Variants in KDM5A observed in about 807,000 individuals in gnomAD.
The protein encoded by KDM5A is lysine-specific demethylase 5A.
Under a neutral mutation model 193.5 loss-of-function variants are expected in KDM5A, and 42 were observed. The observed-to-expected ratio is 0.22, with a 90% confidence interval of 0.17 to 0.28. The LOEUF (loss-of-function observed/expected upper bound fraction) is 0.28. KDM5A is among the 10% of genes least tolerant of loss of function. The pLI, the probability that KDM5A is intolerant of heterozygous loss-of-function variation, is 1.00. For missense variants in KDM5A, 1,692 were observed against 2,055.1 expected, an observed-to-expected ratio of 0.82 and a Z score of 3.42; for synonymous variants, 796 against 718.1, an observed-to-expected ratio of 1.11 and a Z score of -1.73.
At chr12:384,216 G>A (rs1241205837) in intron 2 of KDM5A, 63 bp from the exon 3 acceptor site, 1 of 1,311,114 alleles carries the variant, frequency 7.6e-7, no homozygotes, top group African/African-American at 1.5e-5. Flanking sequence ...TAACAGAGCA[G>A]GGGTCCCCAA....
intron 24 of KDM5A, among the ~76,000 whole-genome samples, chr12:305,346 T>A (rs967110318): frequency 6.6e-6 from 1 of 152,226 alleles, no homozygotes; most frequent in Non-Finnish European, 1.5e-5. Flanking sequence ...TTAAGTCACA[T>A]AACTGAAAAT....
intron 5 of KDM5A, among the ~76,000 whole-genome samples, chr12:357,870 T>A (rs7307606): frequency 2.1e-5 from 3 of 140,296 alleles, no homozygotes; most frequent in South Asian, 2.2e-4. Context: ...TTTGCCCCAA[T>A]TCCCTTCCTT....
chr12:324,954 T>C (rs905909654), intron 14 of KDM5A, among the ~76,000 whole-genome samples: 1 of 152,200 alleles, frequency 6.6e-6, no homozygotes. Context: ...AACTTTACAG[T>C]TTCTGCTTAC....
In KDM5A at chr12:333,665, A is replaced by T; in HGVS notation, c.1491-16T>A. ...TGGCTCCCCCCTAGCAAAAGAAGTA[A>T]CTGTTTAGCTAGGCAGAACATGGTA... is the stretch of plus-strand genomic sequence containing the variant. On this transcript the variant is annotated splice_polypyrimidine_tract_variant and intron_variant, in intron 11 of 27. Coordinates refer to ENST00000399788, the MANE Select transcript of KDM5A (RefSeq NM_001042603.3). The T allele has an allele frequency of 6.2e-7, 1 of 1,613,192 alleles. No homozygotes were observed. Among genetic ancestry groups the T allele is most frequent in the South Asian group, 1.1e-5 (1 of 91,058 alleles).
intron 5 of KDM5A, among the ~76,000 whole-genome samples, chr12:357,947 G>T (rs556512226): frequency 1.3e-5 from 2 of 150,880 alleles, no homozygotes; most frequent in South Asian, 2.1e-4. Context: ...CTACAACTGG[G>T]AGGAAATTTA....
At chr12:372,555 C>A (rs1023907436) in intron 3 of KDM5A, among the ~76,000 whole-genome samples, 1 of 152,160 alleles carries the variant, frequency 6.6e-6, no homozygotes, top group Non-Finnish European at 1.5e-5. Flanking sequence ...AACTTGACTT[C>A]CTCTTTTCCT....
At chr12:381,759 TG>T (rs1944575627) in intron 3 of KDM5A, among the ~76,000 whole-genome samples, 1 of 152,206 alleles carries the variant, frequency 6.6e-6, no homozygotes, top group Admixed American at 6.5e-5. Flanking sequence ...AAGAGAATTT[TG>T]ACCTGACACT....
chr12:387,338 T>C, intron 1 of KDM5A: 1 of 268,978 alleles, frequency 3.7e-6, no homozygotes, highest in South Asian at 3.0e-5. Flanking sequence ...AGAGAAAGCA[T>C]TATTTCAGCA....
At chr12:360,984 C>T (rs935312745) in intron 5 of KDM5A, among the ~76,000 whole-genome samples, 26 of 151,966 alleles carry the variant, frequency 1.7e-4, no homozygotes, top group Admixed American at 1.4e-3. Context: ...GTTTTGTGTA[C>T]GGGGCAAGAA....
At chr12:289,186 A>C (rs1353027285) in intron 27 of KDM5A, among the ~76,000 whole-genome samples, 1 of 152,180 alleles carries the variant, frequency 6.6e-6, no homozygotes, top group Non-Finnish European at 1.5e-5. Flanking sequence ...AGTGAAGAGA[A>C]AAAGACTATT....
chr12:345,231 T>C (rs961618151), intron 10 of KDM5A, among the ~76,000 whole-genome samples: 2 of 152,124 alleles, frequency 1.3e-5, no homozygotes, highest in African/African-American at 2.4e-5. Flanking sequence ...ATCCTAAATA[T>C]ATATGCACCC....
chr12:333,326 G>A (rs1943886374), intron 12 of KDM5A, 161 bp downstream of exon 12: 4 of 733,672 alleles, frequency 5.5e-6, no homozygotes, highest in Non-Finnish European at 9.4e-6. Flanking sequence ...GGCTGAGGCA[G>A]GAGAACTGCT....
At chr12:341,716 A>G (rs1199010654) in intron 10 of KDM5A, among the ~76,000 whole-genome samples, 2 of 152,166 alleles carry the variant, frequency 1.3e-5, no homozygotes, top group Admixed American at 6.5e-5. Flanking sequence ...CTGGGCCAAC[A>G]TGGTGAAACC....
intron 8 of KDM5A, 150 bp from the exon 9 acceptor site, chr12:352,474 T>G: frequency 1.4e-6 from 1 of 693,200 alleles, no homozygotes; most frequent in Non-Finnish European, 2.5e-6. Flanking sequence ...CTACTTACAA[T>G]ACCGTATCAG....
intron 8 of KDM5A, 125 bp downstream of exon 8, chr12:353,951 A>T (rs1166111624): frequency 2.7e-6 from 2 of 729,570 alleles, no homozygotes; most frequent in Non-Finnish European, 4.5e-6. Flanking sequence ...TGGAAATTTT[A>T]AACACTACAT....
At chr12:363,431 T>G (rs2137467443) in intron 4 of KDM5A, among the ~76,000 whole-genome samples, 1 of 152,224 alleles carries the variant, frequency 6.6e-6, no homozygotes, top group South Asian at 2.1e-4. Flanking sequence ...TATAAATCAG[T>G]GCAACAAAAA....
chr12:333,275 C>T (rs903177282), intron 12 of KDM5A: 9 of 583,974 alleles, frequency 1.5e-5, no homozygotes, highest in East Asian at 1.5e-4. Context: ...AACAATTAGC[C>T]GGGGGTGGTG....
At chr12:355,062 G>C (rs1363572690) in intron 7 of KDM5A, 96 bp downstream of exon 7, 2 of 801,250 alleles carry the variant, frequency 2.5e-6, no homozygotes, top group Non-Finnish European at 4.5e-6. Flanking sequence ...AACCAAACGA[G>C]CTAACTAAAC....
chr12:387,218 TGAG>T (rs1944647810), intron 1 of KDM5A: 2 of 369,308 alleles, frequency 5.4e-6, no homozygotes, highest in African/African-American at 2.3e-5. Context: ...TTTAAAACGT[TGAG>T]TAGTCAAAAA....
Sources: gnomAD v4.1 joint callset for allele counts (sites outside exome capture counted in the v4.1 genomes callset) on GRCh38, gnomAD v4.1.1 for gene constraint, MANE v1.5 for transcripts, NCBI Gene and HGNC (gene_info 2026-07-23, HGNC 2026-07-21) for gene names.